GPLD1: variants seen among roughly 807,000 people sequenced by gnomAD.
The protein encoded by GPLD1 is phosphatidylinositol-glycan-specific phospholipase D.
A neutral mutation model predicts 112.6 loss-of-function variants in GPLD1; 84 were observed. The ratio of observed to expected loss-of-function variants is 0.75; its 90% CI spans 0.63 to 0.89. The LOEUF (loss-of-function observed/expected upper bound fraction) is 0.89. Ranked by LOEUF, GPLD1 falls within the 40% of genes least tolerant of loss-of-function variation. GPLD1 has a pLI of 0.00. For missense variants in GPLD1, 1,044 were observed against 1,051.5 expected (o/e 0.99, Z 0.10); for synonymous variants, 386 against 403.8 (o/e 0.96, Z 0.53).
chr6:24,481,500 A>C (rs1764202482), intron 2 of GPLD1, among the ~76,000 whole-genome samples: 1 of 152,084 alleles, frequency 6.6e-6, no homozygotes, highest in South Asian at 2.1e-4. Flanking sequence ...CTCCTTCTAG[A>C]GGCAGAATCA....
At position 24,462,764 on chromosome 6, in the gene GPLD1, T is replaced by TG. The variant is rs1763478169; in HGVS notation, c.852dup (p.Ile285HisfsTer19). ...TGGTTTTGCTGGCCGCCACATGCAA[T>TG]GAACAGAGGGTTCTCAGGCAGGTTG... is the stretch of plus-strand genomic sequence containing the variant. On this transcript the variant is annotated frameshift_variant, in exon 11 of 25. Coordinates refer to ENST00000230036, the MANE Select transcript of GPLD1 (RefSeq NM_001503.4). LOFTEE classifies it high-confidence loss of function. 1 of 1,613,504 alleles carries TG rather than the reference T, an allele frequency of 6.2e-7. No homozygotes were observed. Among genetic ancestry groups the TG allele is most frequent in the Non-Finnish European group, 8.5e-7 (1 of 1,179,494 alleles).
chr6:24,490,474 G>T (rs1764525778), upstream of GPLD1, among the ~76,000 whole-genome samples: 1 of 152,164 alleles, frequency 6.6e-6, no homozygotes, highest in African/African-American at 2.4e-5. Flanking sequence ...GATTTGGCTG[G>T]GCGTGGCGGC....
At position 24,454,156 on chromosome 6, in the gene GPLD1, G is replaced by A. The variant is rs759575235; in HGVS notation, c.1194C>T (p.Leu398=). The A allele has an allele frequency of 8.1e-6, 13 of 1,613,732 alleles. No homozygotes were observed. Among genetic ancestry groups the A allele is most frequent in the East Asian group, 4.5e-5 (2 of 44,880 alleles). The change falls in exon 14 of 25, where the codon CTC becomes CTT. Residue 398 remains leucine, a synonymous_variant. Transcript: ENST00000230036. ...GGCTGTAGCCTGGTGCGCCCACCAC[G>A]AGGTCACCGTGCCCATCCTGGTTGA... ...ADLNQDGHGD[L]VVGAPGYSRP...
At chr6:24,469,121 G>A (rs1763713753) in intron 7 of GPLD1, among the ~76,000 whole-genome samples, 2 of 152,190 alleles carry the variant, frequency 1.3e-5, no homozygotes, top group Admixed American at 6.5e-5. Context: ...TCAAAAGTCA[G>A]GAAACAACAG....
At chr6:24,435,345 T>C (rs554603979) in intron 22 of GPLD1, among the ~76,000 whole-genome samples, 9 of 152,268 alleles carry the variant, frequency 5.9e-5, no homozygotes, top group Middle Eastern at 3.4e-3. Flanking sequence ...AAATGATACA[T>C]AGTTCTTAGC....
rs1414095646 is a variant in GPLD1 at position 24,433,198 on chromosome 6, A to C, written c.2425T>G (p.Ser809Ala). 6.2e-7 allele frequency: 1 copy of C among 1,610,784 alleles called. No individual in the cohort carries two copies. Among genetic ancestry groups the C allele is most frequent in the Non-Finnish European group, 8.5e-7 (1 of 1,177,032 alleles). Residue 809 changes from serine (S) to alanine (A), a missense_variant, in exon 24 of 25, where the codon TCC becomes GCC. Coordinates refer to ENST00000230036, the MANE Select transcript of GPLD1 (RefSeq NM_001503.4). The stretch of plus-strand genomic sequence containing the variant: ...GTCCTTGGGCTCACCTTTGCCTTGG[A>C]CCTCACGGTGATGAGGGAGCTCCCA... Reference protein sequence around the residue: ...RFGSSLITVRSKAKNQVVIAA... With the variant: ...RFGSSLITVRAKAKNQVVIAA...
At chr6:24,471,769 G>C (rs1763831377) in intron 7 of GPLD1, among the ~76,000 whole-genome samples, 1 of 152,092 alleles carries the variant, frequency 6.6e-6, no homozygotes. Context: ...GCCCAGGCTG[G>C]AGTGCAGAGG....
chr6:24,433,451 A>G, intron 22 of GPLD1, 62 bp from the exon 23 acceptor site: 1 of 1,146,118 alleles, frequency 8.7e-7, no homozygotes, highest in South Asian at 1.3e-5. Flanking sequence ...TTTTAAAATC[A>G]ATTTTAATTA....
At chr6:24,445,277 T>C (rs1036781704) in intron 20 of GPLD1, among the ~76,000 whole-genome samples, 2 of 152,168 alleles carry the variant, frequency 1.3e-5, no homozygotes, top group Non-Finnish European at 2.9e-5. Context: ...TTCTCTCACC[T>C]TGGCCTCCCA....
At chr6:24,477,901 T>C (rs1017241009) in intron 3 of GPLD1, among the ~76,000 whole-genome samples, 3 of 152,036 alleles carry the variant, frequency 2.0e-5, no homozygotes, top group African/African-American at 7.2e-5. Flanking sequence ...TGTGGAAAAA[T>C]GCAAAAAAAC....
chr6:24,486,056 G>T lies in GPLD1; in HGVS notation c.153+19C>A. On this transcript the variant is annotated intron_variant, in intron 2 of 24. Transcript: ENST00000230036. ...GAAAACTAATGCACAAAGAAGAAAA[G>T]AAAAATCAAGATTTCTACCTCTCTG... 1 of 1,495,482 alleles carries T rather than the reference G, an allele frequency of 6.7e-7. No homozygotes were observed. The highest frequency in any genetic ancestry group is 1.2e-5 in the South Asian group (1 of 85,004). The allele number at this position is 1,495,482 out of a possible 1,614,324, so 92.6% of individuals were successfully genotyped here. A position where few individuals can be genotyped will look rare whatever the true frequency, so the allele number is the denominator to read the frequency against.
At chr6:24,441,374 C>G (rs189236449) in intron 20 of GPLD1, among the ~76,000 whole-genome samples, 19 of 151,902 alleles carry the variant, frequency 1.3e-4, no homozygotes, top group African/African-American at 4.1e-4. Flanking sequence ...AGCTGTGATT[C>G]CCAAACTGCA....
intron 4 of GPLD1, among the ~76,000 whole-genome samples, 171 bp downstream of exon 4, chr6:24,476,010 T>C (rs1007942239): frequency 1.3e-5 from 2 of 152,186 alleles, no homozygotes. Flanking sequence ...TGTTTATAAG[T>C]AATTCAAGTA....
Position 24,476,223 on chromosome 6 carries a change from G to C in GPLD1, c.288C>G (p.Ser96Arg), listed in dbSNP as rs145430314. 1 of 1,576,344 alleles carries C rather than the reference G, an allele frequency of 6.3e-7. No homozygotes were observed. Among genetic ancestry groups the C allele is most frequent in the South Asian group, 1.2e-5 (1 of 86,450 alleles). Residue 96 changes from serine (S) to arginine (R), a missense_variant, in exon 4 of 25, where the codon AGC (serine) becomes AGG (arginine). Transcript: ENST00000230036. ...GATAGTTCTCTCGGATATAATGAAC[G>C]CTTGCATTAAGAAACGGAGTCCAGT... ...STHWTPFLNA[S>R]VHYIRENYPL...
chr6:24,459,280 G>A (rs1228195056), intron 12 of GPLD1, among the ~76,000 whole-genome samples: 1 of 151,964 alleles, frequency 6.6e-6, no homozygotes, highest in Admixed American at 6.5e-5. Flanking sequence ...TTGAGACAGG[G>A]TGTCACTCTA....
intron 4 of GPLD1, 89 bp from the exon 5 acceptor site, chr6:24,475,320 T>C (rs576641538): frequency 2.6e-6 from 2 of 761,952 alleles, no homozygotes; most frequent in East Asian, 2.7e-5. Flanking sequence ...TAAATTCATT[T>C]ATGTTACTGA....
chr6:24,484,143 C>A (rs1764295014), intron 2 of GPLD1, among the ~76,000 whole-genome samples: 1 of 152,086 alleles, frequency 6.6e-6, no homozygotes, highest in Non-Finnish European at 1.5e-5. Flanking sequence ...TCTTGATCTC[C>A]TGACCTCATG....
chr6:24,449,868 A>G lies in GPLD1; in HGVS notation c.1367T>C (p.Val456Ala). The change falls in exon 15 of 25, where the codon GTG (valine) becomes GCG (alanine). Residue 456 changes from valine (V) to alanine (A), a missense_variant. Coordinates refer to ENST00000230036, the MANE Select transcript of GPLD1 (RefSeq NM_001503.4). ...CACGCCGTCCACGTTAAAGTCCAAC[A>G]CAGCCAAGGCCGAGCCAAACCGACC... ...PSGRFGSALA[V>A]LDFNVDGVPD... is the part of the protein sequence containing the mutation. 2 of 1,613,924 alleles carry G rather than the reference A, an allele frequency of 1.2e-6. No individual in the cohort carries two copies. Among genetic ancestry groups the G allele is most frequent in the Non-Finnish European group, 1.7e-6 (2 of 1,179,960 alleles).
intron 14 of GPLD1, among the ~76,000 whole-genome samples, chr6:24,452,929 G>C (rs1413013706): frequency 6.6e-6 from 1 of 152,158 alleles, no homozygotes; most frequent in Admixed American, 6.5e-5. Flanking sequence ...TTGACACTCA[G>C]AGAATGCAGT....
Sources: allele counts gnomAD v4.1 joint callset (sites outside exome capture counted in the v4.1 genomes callset), GRCh38; gene constraint gnomAD v4.1.1; transcripts MANE v1.5; gene names NCBI Gene and HGNC (gene_info 2026-07-23, HGNC 2026-07-21).